Variants in COL23A1 observed in about 807,000 individuals in gnomAD.
COL23A1 encodes the protein collagen alpha-1(XXIII) chain.
COL23A1 carries 97 observed loss-of-function variants against 99.3 expected under a neutral mutation model. The observed-to-expected ratio is 0.98, with a 90% CI of 0.83 to 1.16. The LOEUF (loss-of-function observed/expected upper bound fraction) is 1.16. Among genes scored for constraint, COL23A1 ranks in the 50% most tolerant of loss-of-function variants. COL23A1 has a pLI of 0.00. For missense variants in COL23A1, 762 were observed against 757.4 expected (o/e 1.01, Z -0.07); for synonymous variants, 320 against 308.2 (o/e 1.04, Z -0.40).
chr5:178,407,877 G>T (rs1025483582), intron 2 of COL23A1, among the ~76,000 whole-genome samples: 2 of 152,166 alleles, frequency 1.3e-5, no homozygotes, highest in African/African-American at 4.8e-5. Context: ...GTCAGCAAGA[G>T]TCCCAAGAGG....
In COL23A1 at chr5:178,268,687, T is replaced by C. The variant is rs369907406; in HGVS notation, c.495+43A>G. 207 of 1,584,010 alleles carry C rather than the reference T, an allele frequency of 1.3e-4. 1 individual carries two copies. The East Asian group carries it at 3.4e-3, about 26-fold the overall frequency. On this transcript the variant is annotated intron_variant, in intron 7 of 28. Coordinates refer to ENST00000390654, the MANE Select transcript of COL23A1 (RefSeq NM_173465.4). ...GTTCGGAGGCAGGTTTCTGGGATTC[T>C]TCGCCTGCCTACCACATCTGCACAG...
chr5:178,521,000 C>T (rs528703667), intron 2 of COL23A1, among the ~76,000 whole-genome samples: 1 of 152,274 alleles, frequency 6.6e-6, no homozygotes, highest in Admixed American at 6.5e-5. Flanking sequence ...CTTACACAAA[C>T]CTAGGTGGCA....
intron 2 of COL23A1, among the ~76,000 whole-genome samples, chr5:178,558,162 AG>A (rs1762382338): frequency 3.3e-5 from 5 of 151,380 alleles, no homozygotes; most frequent in Non-Finnish European, 7.4e-5. Flanking sequence ...GCCTCTTTCT[AG>A]AGGAGTTCAG....
At chr5:178,344,014 G>A (rs1047816631) in intron 2 of COL23A1, among the ~76,000 whole-genome samples, 1 of 152,054 alleles carries the variant, frequency 6.6e-6, no homozygotes, top group African/African-American at 2.4e-5. Flanking sequence ...TTCTCCAAAA[G>A]TCCAAGACAG....
intron 2 of COL23A1, among the ~76,000 whole-genome samples, chr5:178,426,443 CCT>C (rs1310325220): frequency 1.3e-4 from 20 of 152,240 alleles, no homozygotes; most frequent in Admixed American, 9.8e-4. Flanking sequence ...CCTGGGCCAC[CCT>C]GTTTTCGTGC....
At chr5:178,424,140 A>G (rs538709435) in intron 2 of COL23A1, among the ~76,000 whole-genome samples, 52 of 152,208 alleles carry the variant, frequency 3.4e-4, no homozygotes, top group Non-Finnish European at 7.2e-4. Flanking sequence ...GGCAGCGGAC[A>G]GGAAGAAAAT....
chr5:178,555,775 C>G (rs552426832), intron 2 of COL23A1, among the ~76,000 whole-genome samples: 2 of 152,306 alleles, frequency 1.3e-5, no homozygotes, highest in African/African-American at 4.8e-5. Context: ...AGGTGCCGGC[C>G]CTCACCAGTT....
chr5:178,509,537 C>T (rs1420330881), intron 2 of COL23A1, among the ~76,000 whole-genome samples: 1 of 152,044 alleles, frequency 6.6e-6, no homozygotes, highest in Non-Finnish European at 1.5e-5. Flanking sequence ...TGCATTCTAA[C>T]AAGACCCCAG....
At chr5:178,505,186 T>C (rs1758793310) in intron 2 of COL23A1, among the ~76,000 whole-genome samples, 1 of 152,076 alleles carries the variant, frequency 6.6e-6, no homozygotes, top group Non-Finnish European at 1.5e-5. Context: ...GTAAGTGGCT[T>C]ACCCCATCTC....
intron 2 of COL23A1, among the ~76,000 whole-genome samples, chr5:178,443,632 T>TC (rs1267771551): frequency 6.6e-6 from 1 of 151,592 alleles, no homozygotes; most frequent in African/African-American, 2.4e-5. Flanking sequence ...AGCTATTTTT[T>TC]TTTTTCGTAC....
rs544892418 is a variant in COL23A1 at position 178,297,752 on chromosome 5, G to C, written c.407-7383C>G. Among the ~76,000 whole-genome samples the C allele has an allele frequency of 2.9e-5, 4 of 135,782 alleles. No homozygotes were observed. The South Asian group carries it at 9.1e-4, about 31-fold the overall frequency. The allele number at this position is 135,782 out of a possible 152,430, so 89.1% of individuals were successfully genotyped here. On this transcript the variant is annotated intron_variant, in intron 3 of 28. Coordinates refer to ENST00000390654, the MANE Select transcript of COL23A1 (RefSeq NM_173465.4). ...CAGTTCATTGTCTCCTTGCTGCCCA[G>C]ATTGGAGCTGGGTAGGCACAAGCAC...
chr5:178,241,926 C>G (rs72819011), intron 27 of COL23A1, 116 bp downstream of exon 27: 43,500 of 737,056 alleles, frequency 0.059, 1,576 homozygotes, highest in Middle Eastern at 0.12. Flanking sequence ...AAGGCCAGTG[C>G]GTGACCAGTG....
At chr5:178,561,590 T>C (rs1361458405) in intron 1 of COL23A1, among the ~76,000 whole-genome samples, 2 of 151,940 alleles carry the variant, frequency 1.3e-5, no homozygotes, top group Non-Finnish European at 2.9e-5. Context: ...CAAATCTAGG[T>C]TGAGCGGAAT....
At chr5:178,363,361 G>A (rs1167733139) in intron 2 of COL23A1, among the ~76,000 whole-genome samples, 1 of 152,132 alleles carries the variant, frequency 6.6e-6, no homozygotes, top group Non-Finnish European at 1.5e-5. Flanking sequence ...CCTAAGTGTA[G>A]AACCTACAGT....
At chr5:178,355,280 ATAAG>A (rs1761574648) in intron 2 of COL23A1, among the ~76,000 whole-genome samples, 1 of 151,556 alleles carries the variant, frequency 6.6e-6, no homozygotes, top group African/African-American at 2.4e-5. Flanking sequence ...CTCAAATAAA[ATAAG>A]ATAAATAAAA....
chr5:178,490,004 C>T (rs545294488), intron 2 of COL23A1, among the ~76,000 whole-genome samples: 38 of 151,992 alleles, frequency 2.5e-4, no homozygotes, highest in African/African-American at 5.1e-4. Context: ...GAGGCCGAGG[C>T]GGGCGGATCA....
chr5:178,382,987 G>A lies in COL23A1; in HGVS notation c.362-76068C>T, dbSNP rs574583061. Among the ~76,000 whole-genome samples the A allele has an allele frequency of 1.7e-3, 253 of 152,230 alleles. 1 individual carries two copies. The highest frequency in any genetic ancestry group is 2.9e-3 in the Non-Finnish European group (195 of 68,006). On this transcript the variant is annotated intron_variant, in intron 2 of 28. Coordinates refer to ENST00000390654, the MANE Select transcript of COL23A1 (RefSeq NM_173465.4). ...CCAGTGCAGACCTGGGGAGGTGAGAGACTCCACCTGTCGGGGCTGGCTGGG... is the reference window on the plus strand; with the variant it reads ...CCAGTGCAGACCTGGGGAGGTGAGAAACTCCACCTGTCGGGGCTGGCTGGG...
chr5:178,495,371 T>C lies in COL23A1; in HGVS notation c.361+65311A>G, dbSNP rs537104375. 9.2e-5 allele frequency among the ~76,000 whole-genome samples: 14 copies of C among 152,332 alleles called. 1 individual carries two copies. In the South Asian group the frequency reaches 2.9e-3, roughly 32 times the overall value. On this transcript the variant is annotated intron_variant, in intron 2 of 28. Coordinates refer to ENST00000390654, the MANE Select transcript of COL23A1 (RefSeq NM_173465.4). ...TCATAAGTGATCAAAGTCAAGGGCA[T>C]AGAGGATGGTCTGACATAGCCCCAG...
chr5:178,246,377 C>T lies in COL23A1; in HGVS notation c.1359+14G>A. ...ATTAACACCTTTGGGACAAACAACG[C>T]TTGTGAGACTCACAGGCAGGCCGCT... On this transcript the variant is annotated intron_variant, in intron 23 of 28. Transcript: ENST00000390654. The T allele has an allele frequency of 6.4e-7, 1 of 1,574,316 alleles. No individual in the cohort carries two copies. Among genetic ancestry groups the T allele is most frequent in the East Asian group, 2.3e-5 (1 of 43,196 alleles).
Sources: allele counts gnomAD v4.1 joint callset (sites outside exome capture counted in the v4.1 genomes callset), GRCh38; gene constraint gnomAD v4.1.1; transcripts MANE v1.5; gene names NCBI Gene and HGNC (gene_info 2026-07-23, HGNC 2026-07-21).